Variants in SPAG17 observed in about 807,000 individuals in gnomAD.
The protein encoded by SPAG17 is sperm associated antigen 17, also known as sperm-associated antigen 17.
In SPAG17, 169 loss-of-function variants were observed where a neutral mutation model predicts 273.6. The ratio of observed to expected loss-of-function variants is 0.62; its 90% CI spans 0.55 to 0.70. The LOEUF (loss-of-function observed/expected upper bound fraction) is 0.70, where lower values mean the gene tolerates loss of function less well. Among genes scored for constraint, SPAG17 ranks in the 30% least tolerant of loss-of-function variants. The pLI is 0.00. For synonymous variants in SPAG17, 825 were observed against 873.2 expected (o/e 0.94, Z 0.97); for missense variants, 2,557 against 2,627.8 (o/e 0.97, Z 0.59).
intron 26 of SPAG17, among the ~76,000 whole-genome samples, chr1:118,026,088 C>T (rs1463796418): frequency 6.6e-5 from 10 of 152,184 alleles, no homozygotes; most frequent in Non-Finnish European, 8.8e-5. Flanking sequence ...TGGATACACA[C>T]GCTGCCCTGG....
At chr1:118,129,143 T>G (rs924038717) in intron 3 of SPAG17, among the ~76,000 whole-genome samples, 1 of 152,226 alleles carries the variant, frequency 6.6e-6, no homozygotes, top group Admixed American at 6.5e-5. Flanking sequence ...GGAAGTGGGC[T>G]GGAGCCCCTG....
At chr1:118,070,033 G>C (rs879880068) in intron 17 of SPAG17, among the ~76,000 whole-genome samples, 6 of 152,158 alleles carry the variant, frequency 3.9e-5, no homozygotes, top group African/African-American at 7.2e-5. Flanking sequence ...AAAGTCTGAA[G>C]TAAACTTTCA....
At chr1:118,128,388 ATTTC>A (rs1657863376) in intron 3 of SPAG17, among the ~76,000 whole-genome samples, 1 of 152,044 alleles carries the variant, frequency 6.6e-6, no homozygotes, top group Admixed American at 6.6e-5. Flanking sequence ...GATACCCTTT[ATTTC>A]TTTCTTTTAC....
intron 38 of SPAG17, among the ~76,000 whole-genome samples, chr1:117,990,085 T>C (rs1571165131): frequency 2.0e-5 from 3 of 152,126 alleles, no homozygotes; most frequent in Non-Finnish European, 4.4e-5. Context: ...CATAGGGGGT[T>C]GTGATGGACT....
At chr1:118,046,338 A>G (rs1650351782) in intron 20 of SPAG17, among the ~76,000 whole-genome samples, 1 of 152,078 alleles carries the variant, frequency 6.6e-6, no homozygotes, top group South Asian at 2.1e-4. Context: ...CCCTTTTCCC[A>G]AAACAAAAAA....
chr1:118,158,095 C>G (rs1392109311), intron 1 of SPAG17, among the ~76,000 whole-genome samples: 2 of 152,072 alleles, frequency 1.3e-5, no homozygotes, highest in Admixed American at 6.5e-5. Flanking sequence ...TGACGTGTTT[C>G]TAAAGTATTT....
intron 26 of SPAG17, among the ~76,000 whole-genome samples, chr1:118,025,740 C>A (rs1028573163): frequency 3.3e-5 from 5 of 152,146 alleles, no homozygotes; most frequent in African/African-American, 1.2e-4. Flanking sequence ...GATCCTCCCA[C>A]CTCAGCCTTC....
chr1:118,142,336 A>C (rs1658726969), intron 3 of SPAG17, among the ~76,000 whole-genome samples: 1 of 152,174 alleles, frequency 6.6e-6, no homozygotes, highest in African/African-American at 2.4e-5. Flanking sequence ...AGAAATCAGC[A>C]GTTGTCATTT....
At chr1:118,013,086 C>CTA (rs1169291904) in intron 29 of SPAG17, among the ~76,000 whole-genome samples, 1 of 152,194 alleles carries the variant, frequency 6.6e-6, no homozygotes, top group Non-Finnish European at 1.5e-5. Flanking sequence ...ATATATGTCT[C>CTA]TATTAAAATC....
chr1:118,182,729 A>G (rs1661005835), intron 1 of SPAG17, among the ~76,000 whole-genome samples: 2 of 152,160 alleles, frequency 1.3e-5, no homozygotes, highest in South Asian at 2.1e-4. Context: ...TAGTCTCCCT[A>G]CTTAAAATAA....
At chr1:118,152,303 A>C (rs1363937557) in intron 1 of SPAG17, among the ~76,000 whole-genome samples, 1 of 152,172 alleles carries the variant, frequency 6.6e-6, no homozygotes, top group Non-Finnish European at 1.5e-5. Flanking sequence ...TCCTCTCTAG[A>C]GGTCTGATTC....
chr1:118,014,250 G>A (rs566721143), intron 29 of SPAG17, among the ~76,000 whole-genome samples: 2 of 152,298 alleles, frequency 1.3e-5, no homozygotes, highest in South Asian at 4.1e-4. Flanking sequence ...TACACAGTGA[G>A]TGCTCAGTAA....
intron 17 of SPAG17, among the ~76,000 whole-genome samples, chr1:118,073,633 T>C (rs1653822660): frequency 6.6e-6 from 1 of 152,228 alleles, no homozygotes; most frequent in African/African-American, 2.4e-5. Flanking sequence ...TAAAATATTT[T>C]ATAAAAGCAT....
intron 31 of SPAG17, 112 bp downstream of exon 31, chr1:118,007,932 T>C (rs202006843): frequency 9.0e-7 from 1 of 1,105,888 alleles, no homozygotes; most frequent in African/African-American, 1.6e-5. Flanking sequence ...TATAAGAGAA[T>C]GAAAGCAACA....
intron 1 of SPAG17, among the ~76,000 whole-genome samples, chr1:118,184,850 C>G (rs903062542): frequency 6.6e-6 from 1 of 152,234 alleles, no homozygotes; most frequent in African/African-American, 2.4e-5. Flanking sequence ...CTAGGCAGTT[C>G]TCACCAACCT....
intron 28 of SPAG17, among the ~76,000 whole-genome samples, chr1:118,016,845 T>C (rs1477777952): frequency 6.6e-6 from 1 of 152,212 alleles, no homozygotes; most frequent in Non-Finnish European, 1.5e-5. Context: ...ATGGAAATCC[T>C]TGACCAATAT....
At chr1:117,982,199 T>TC (rs1460779882) in intron 42 of SPAG17, among the ~76,000 whole-genome samples, 1 of 152,116 alleles carries the variant, frequency 6.6e-6, no homozygotes, top group Non-Finnish European at 1.5e-5. Context: ...CAGCTGAACT[T>TC]CAAGTATCGT....
intron 1 of SPAG17, among the ~76,000 whole-genome samples, chr1:118,152,157 A>G (rs1659421804): frequency 6.6e-6 from 1 of 152,176 alleles, no homozygotes; most frequent in African/African-American, 2.4e-5. Context: ...TGAAACAAAC[A>G]AACACGATAA....
At chr1:118,132,804 G>C (rs973492060) in intron 3 of SPAG17, among the ~76,000 whole-genome samples, 5 of 152,150 alleles carry the variant, frequency 3.3e-5, no homozygotes, top group African/African-American at 9.7e-5. Flanking sequence ...ATGGAATCTT[G>C]CTCTGTTGCC....
Sources: gnomAD v4.1 joint callset for allele counts (sites outside exome capture counted in the v4.1 genomes callset) on GRCh38, gnomAD v4.1.1 for gene constraint, MANE v1.5 for transcripts, NCBI Gene and HGNC (gene_info 2026-07-23, HGNC 2026-07-21) for gene names.